ARK2C: variants seen among roughly 807,000 people sequenced by gnomAD.
ARK2C encodes E3 ubiquitin-protein ligase ARK2C.
At chr18:46,355,533 T>C in the ARK2C span, among the ~76,000 whole-genome samples, 7 of 152,202 alleles carry the variant, frequency 4.6e-5, no homozygotes, top group Admixed American at 4.6e-4. Flanking sequence ...TTTCTCAATG[T>C]TCCTTCCCTC....
At chr18:46,360,705 T>C in the ARK2C span, among the ~76,000 whole-genome samples, 1 of 152,168 alleles carries the variant, frequency 6.6e-6, no homozygotes, top group Non-Finnish European at 1.5e-5. Context: ...GCCCTGCCCC[T>C]GGCCTGCCTT....
chr18:46,379,031 G>A, the ARK2C span, among the ~76,000 whole-genome samples: 1 of 152,200 alleles, frequency 6.6e-6, no homozygotes, highest in African/African-American at 2.4e-5. Context: ...AAGGAGCGGG[G>A]CACCAGAGGG....
chr18:46,388,619 C>T, the ARK2C span, among the ~76,000 whole-genome samples: 1 of 152,140 alleles, frequency 6.6e-6, no homozygotes, highest in Non-Finnish European at 1.5e-5. Context: ...AGCGATGGAC[C>T]TCTGTGACTT....
At chr18:46,412,617 T>A in the ARK2C span, among the ~76,000 whole-genome samples, 7 of 152,098 alleles carry the variant, frequency 4.6e-5, no homozygotes, top group Non-Finnish European at 8.8e-5. Context: ...TCACACCTCC[T>A]CTCTCCTCCC....
At chr18:46,425,787 GC>G in the ARK2C span, among the ~76,000 whole-genome samples, 1 of 152,136 alleles carries the variant, frequency 6.6e-6, no homozygotes, top group Admixed American at 6.5e-5. Flanking sequence ...TCCCTGGGAG[GC>G]CCCCCGTCTT....
chr18:46,384,599 C>T, the ARK2C span, among the ~76,000 whole-genome samples: 1 of 152,200 alleles, frequency 6.6e-6, no homozygotes. Context: ...ATACCCAAAC[C>T]TACTCAGATT....
At chr18:46,337,893 G>A in the ARK2C span, among the ~76,000 whole-genome samples, 49 of 151,972 alleles carry the variant, frequency 3.2e-4, 1 homozygote, top group South Asian at 9.2e-3. Context: ...GATAGGAGGG[G>A]CCAGTTGTCC....
the ARK2C span, among the ~76,000 whole-genome samples, chr18:46,382,669 C>T: frequency 6.6e-6 from 1 of 152,182 alleles, no homozygotes; most frequent in African/African-American, 2.4e-5. Context: ...CCTCTGATGT[C>T]CACCACAGCC....
At chr18:46,440,435 A>G in the ARK2C span, among the ~76,000 whole-genome samples, 1 of 152,252 alleles carries the variant, frequency 6.6e-6, no homozygotes, top group Non-Finnish European at 1.5e-5. Flanking sequence ...AGGAAGAAAC[A>G]TAGTATATAT....
chr18:46,363,401 T>G, the ARK2C span, among the ~76,000 whole-genome samples: 3 of 152,198 alleles, frequency 2.0e-5, no homozygotes, highest in Admixed American at 1.3e-4. Context: ...CAGCCAGAGC[T>G]CCTCTTTTTT....
the ARK2C span, chr18:46,385,754 C>T: frequency 6.6e-6 from 1 of 152,180 alleles, no homozygotes; most frequent in Non-Finnish European, 1.5e-5. Flanking sequence ...GGCAGGACCC[C>T]CTCGAGGCAG....
chr18:46,379,453 G>T, the ARK2C span, among the ~76,000 whole-genome samples: 1 of 152,106 alleles, frequency 6.6e-6, no homozygotes, highest in Non-Finnish European at 1.5e-5. Flanking sequence ...CCCTCCCCGA[G>T]TCCATTTTAC....
At chr18:46,358,245 C>G in the ARK2C span, among the ~76,000 whole-genome samples, 1 of 152,126 alleles carries the variant, frequency 6.6e-6, no homozygotes, top group Non-Finnish European at 1.5e-5. Flanking sequence ...GCATGTTTTG[C>G]GCAGGCTGGG....
chr18:46,334,189 C>T, the ARK2C span: 2 of 898,782 alleles, frequency 2.2e-6, no homozygotes, highest in Non-Finnish European at 2.7e-6. This position sits in a 1 kb window ranked among gnomAD's most constrained non-coding sequence, Gnocchi z 4.4. Context: ...CCCGCAGCCC[C>T]GCCGCCGCCC....
the ARK2C span, among the ~76,000 whole-genome samples, chr18:46,367,006 C>T: frequency 6.6e-5 from 10 of 152,232 alleles, no homozygotes; most frequent in Admixed American, 5.2e-4. Context: ...GGAAATTCAT[C>T]GTATACTTAG....
the ARK2C span, among the ~76,000 whole-genome samples, chr18:46,358,647 C>G: frequency 6.6e-6 from 1 of 152,132 alleles, no homozygotes; most frequent in Non-Finnish European, 1.5e-5. Context: ...GTAGAATGAG[C>G]TGATCCCTCT....
the ARK2C span, among the ~76,000 whole-genome samples, chr18:46,339,657 A>G: frequency 1.3e-5 from 2 of 152,230 alleles, no homozygotes; most frequent in African/African-American, 4.8e-5. Flanking sequence ...AATAAGATGG[A>G]ACACAGTTCT....
the ARK2C span, chr18:46,447,809 CCT>C: frequency 2.1e-5 from 26 of 1,224,872 alleles, no homozygotes; most frequent in East Asian, 5.1e-4. Context: ...CCTTGGCTCC[CCT>C]GTGCCCCGGC....
At chr18:46,377,950 A>G in the ARK2C span, among the ~76,000 whole-genome samples, 1 of 149,910 alleles carries the variant, frequency 6.7e-6, no homozygotes. Flanking sequence ...GCTGCTATGG[A>G]TGGTGGTGGA....
Sources: gnomAD v4.1 joint callset for allele counts (sites outside exome capture counted in the v4.1 genomes callset) on GRCh38, gnomAD v4.1.1 for gene constraint, Gnocchi (gnomAD v3.1) non-coding constraint, MANE v1.5 for transcripts, NCBI Gene and HGNC (gene_info 2026-07-23, HGNC 2026-07-21) for gene names.